TDRD5: variants seen among roughly 807,000 people sequenced by gnomAD.
The protein encoded by TDRD5 is tudor domain-containing protein 5.
TDRD5 carries 41 observed loss-of-function variants against 120.6 expected under a neutral mutation model. The ratio of observed to expected loss-of-function variants is 0.34; its 90% CI spans 0.26 to 0.44. The LOEUF (loss-of-function observed/expected upper bound fraction) is 0.44, where lower values mean the gene tolerates loss of function less well. TDRD5 is among the 20% of genes least tolerant of loss of function. TDRD5 has a pLI of 1.00. For synonymous variants in TDRD5, 430 were observed against 433.7 expected, an observed-to-expected ratio of 0.99 and a Z score of 0.11; for missense variants, 1,006 against 1,221.2, an observed-to-expected ratio of 0.82 and a Z score of 2.63.
intron 6 of TDRD5, among the ~76,000 whole-genome samples, chr1:179,625,414 C>T (rs1677069848): frequency 6.6e-6 from 1 of 152,144 alleles, no homozygotes; most frequent in Non-Finnish European, 1.5e-5. Flanking sequence ...TACAATCATA[C>T]ATCTAACAAA....
At chr1:179,634,229 G>T (rs1456754313) in intron 7 of TDRD5, among the ~76,000 whole-genome samples, 1 of 151,716 alleles carries the variant, frequency 6.6e-6, no homozygotes, top group Non-Finnish European at 1.5e-5. Flanking sequence ...CCTCCCCCTA[G>T]CACAAATAAT....
intron 4 of TDRD5, among the ~76,000 whole-genome samples, chr1:179,601,706 A>G (rs1227811772): frequency 6.6e-6 from 1 of 152,186 alleles, no homozygotes; most frequent in Non-Finnish European, 1.5e-5. Flanking sequence ...TGCAATTGCA[A>G]TTTGTGCTGC....
chr1:179,612,296 C>T (rs1307449356), intron 4 of TDRD5, among the ~76,000 whole-genome samples: 1 of 152,152 alleles, frequency 6.6e-6, no homozygotes. Context: ...TTTTGTATCC[C>T]ACCCCTGCCC....
chr1:179,607,713 A>G (rs959826634), intron 4 of TDRD5, among the ~76,000 whole-genome samples: 5 of 151,956 alleles, frequency 3.3e-5, no homozygotes, highest in Non-Finnish European at 5.9e-5. Flanking sequence ...TCTTATTGTG[A>G]TACATTTTAG....
At chr1:179,596,914 C>T (rs1675425528) in intron 4 of TDRD5, among the ~76,000 whole-genome samples, 1 of 152,132 alleles carries the variant, frequency 6.6e-6, no homozygotes, top group Non-Finnish European at 1.5e-5. Flanking sequence ...TTTCCTTTCC[C>T]ATTAGATATG....
intron 6 of TDRD5, among the ~76,000 whole-genome samples, chr1:179,626,985 C>G (rs557625097): frequency 6.6e-6 from 1 of 152,146 alleles, no homozygotes; most frequent in South Asian, 2.1e-4. Context: ...TATCAAATTT[C>G]TGGACTTAAA....
chr1:179,600,634 C>G (rs914269891), intron 4 of TDRD5, among the ~76,000 whole-genome samples: 54 of 152,058 alleles, frequency 3.6e-4, no homozygotes, highest in African/African-American at 1.3e-3. Flanking sequence ...CTTTTTATTT[C>G]ATTGATTTCT....
chr1:179,690,012 G>A (rs976242777), intron 17 of TDRD5, among the ~76,000 whole-genome samples: 14 of 152,122 alleles, frequency 9.2e-5, no homozygotes, highest in East Asian at 1.9e-4. Context: ...CCGGTGAGGC[G>A]ATGCCTCACC....
intron 13 of TDRD5, among the ~76,000 whole-genome samples, chr1:179,652,776 A>G (rs1678791339): frequency 6.6e-6 from 1 of 152,184 alleles, no homozygotes; most frequent in Non-Finnish European, 1.5e-5. Context: ...CCAAAATCTC[A>G]AAATTTTTGA....
chr1:179,651,049 A>G lies in TDRD5; in HGVS notation c.1983A>G (p.Arg661=), dbSNP rs1307763146. 1 of 1,614,112 alleles carries G rather than the reference A, an allele frequency of 6.2e-7. No homozygotes were observed. Among genetic ancestry groups the G allele is most frequent in the Non-Finnish European group, 8.5e-7 (1 of 1,180,006 alleles). ...LRTEGHAIVC[R]ENISSKGFSE... ...CAGAGGGCCATGCTATTGTATGCCG[A>G]GAAAATATCTCTTCTAAGGTGGAGC... Residue 661 remains arginine (R), a synonymous_variant, in exon 12 of 18, where the codon CGA becomes CGG. Transcript: ENST00000444136.
At chr1:179,616,090 C>T (rs1387221851) in intron 4 of TDRD5, among the ~76,000 whole-genome samples, 2 of 152,072 alleles carry the variant, frequency 1.3e-5, no homozygotes, top group Non-Finnish European at 2.9e-5. Context: ...AAAATATAAC[C>T]ATTCTTAGCT....
At chr1:179,659,843 G>C (rs1175246434) in intron 14 of TDRD5, among the ~76,000 whole-genome samples, 3 of 151,424 alleles carry the variant, frequency 2.0e-5, no homozygotes, top group African/African-American at 7.3e-5. Context: ...GATTACAGGT[G>C]TGCGCCCCAT....
Position 179,638,142 on chromosome 1 carries a change from G to GAATATCGTGGGTA in TDRD5, c.1521-1693_1521-1692insTCGTGGGTAAATA, listed in dbSNP as rs1490572560. Among the ~76,000 whole-genome samples, 176 of 152,048 alleles carry GAATATCGTGGGTA rather than the reference G, an allele frequency of 1.2e-3. 10 individuals carry two copies. The highest frequency in any genetic ancestry group is 3.4e-3 in the Middle Eastern group (1 of 294). Reference sequence around the variant, plus strand: ...GAAGACTAAGAAAAAGCTAGATTCTGAATACCATGGGAAGATGTTTTCTCT... The same window carrying GAATATCGTGGGTA: ...GAAGACTAAGAAAAAGCTAGATTCTGAATATCGTGGGTAAATACCATGGGAAGATGTTTTCTCT... On this transcript the variant is annotated intron_variant, in intron 9 of 17. Coordinates refer to ENST00000444136, the MANE Select transcript of TDRD5 (RefSeq NM_001199085.3).
intron 14 of TDRD5, among the ~76,000 whole-genome samples, chr1:179,655,760 GATTCA>G (rs1396432053): frequency 6.6e-6 from 1 of 152,314 alleles, no homozygotes; most frequent in East Asian, 1.9e-4. Flanking sequence ...GTACCTTTGA[GATTCA>G]TCCATGCTCT....
At position 179,630,218 on chromosome 1, in the gene TDRD5, C is replaced by T. The variant is rs569858008; in HGVS notation, c.973-549C>T. Among the ~76,000 whole-genome samples the T allele has an allele frequency of 3.3e-5, 5 of 152,158 alleles. No individual in the cohort carries two copies. The South Asian group carries it at 8.3e-4, about 25-fold the overall frequency. ...TTCACCGTGTTAGCCAGGATGGTTT[C>T]GATCTCCTGATGTCGTGATCCACCT... On this transcript the variant is annotated intron_variant, in intron 6 of 17. Coordinates refer to ENST00000444136, the MANE Select transcript of TDRD5 (RefSeq NM_001199085.3).
chr1:179,671,183 C>T (rs1011710430), intron 17 of TDRD5, among the ~76,000 whole-genome samples: 4 of 152,138 alleles, frequency 2.6e-5, no homozygotes, highest in African/African-American at 9.7e-5. Flanking sequence ...TCTAAAATTT[C>T]CATTTTGTCC....
Position 179,616,348 on chromosome 1 carries a change from C to T in TDRD5, c.832-2251C>T, listed in dbSNP as rs150431574. On this transcript the variant is annotated intron_variant, in intron 4 of 17. Coordinates refer to ENST00000444136, the MANE Select transcript of TDRD5 (RefSeq NM_001199085.3). ...ATTCATCCCTGTAGAATCAGTGATTCCTTCCTCTCCATTGTCTTTCCTAAT... is the reference window on the plus strand; with the variant it reads ...ATTCATCCCTGTAGAATCAGTGATTTCTTCCTCTCCATTGTCTTTCCTAAT... 1.1e-4 allele frequency among the ~76,000 whole-genome samples: 17 copies of T among 152,020 alleles called. 1 individual carries two copies. In the East Asian group the frequency reaches 3.3e-3, roughly 29 times the overall value.
At chr1:179,640,300 T>C in intron 10 of TDRD5, 79 bp from the exon 11 acceptor site, 1 of 1,495,844 alleles carries the variant, frequency 6.7e-7, no homozygotes, top group East Asian at 2.3e-5. Flanking sequence ...ATTAAGAAAG[T>C]GATTTTTTGG....
At chr1:179,639,085 A>G (rs1298889270) in intron 9 of TDRD5, among the ~76,000 whole-genome samples, 1 of 152,230 alleles carries the variant, frequency 6.6e-6, no homozygotes, top group Non-Finnish European at 1.5e-5. Context: ...AGAATTAACA[A>G]TTGATCAGTA....
Sources: allele counts gnomAD v4.1 joint callset (sites outside exome capture counted in the v4.1 genomes callset), GRCh38; gene constraint gnomAD v4.1.1; transcripts MANE v1.5; gene names NCBI Gene and HGNC (gene_info 2026-07-23, HGNC 2026-07-21).